ELAPOR2: variants seen among roughly 807,000 people sequenced by gnomAD.
The protein encoded by ELAPOR2 is endosome/lysosome-associated apoptosis and autophagy regulator family member 2.
ELAPOR2 carries 89 observed loss-of-function variants against 120.7 expected under a neutral mutation model. That is an observed-to-expected ratio of 0.74 (90% CI 0.62 to 0.88). ELAPOR2 has a LOEUF of 0.88. Ranked by LOEUF, ELAPOR2 falls within the 40% of genes least tolerant of loss-of-function variation. The pLI is 0.00. For synonymous variants in ELAPOR2, 444 were observed against 444.9 expected (o/e 1.00, Z 0.03); for missense variants, 1,134 against 1,251.6 (o/e 0.91, Z 1.42).
chr7:86,959,399 G>A (rs982584307), intron 2 of ELAPOR2, among the ~76,000 whole-genome samples: 4 of 152,168 alleles, frequency 2.6e-5, no homozygotes, highest in Non-Finnish European at 5.9e-5. Flanking sequence ...CTTGCCTTAT[G>A]CCAGATCTTA....
intron 1 of ELAPOR2, 131 bp downstream of exon 1, chr7:87,059,193 CA>C: frequency 1.7e-6 from 2 of 1,209,682 alleles, no homozygotes; most frequent in Non-Finnish European, 2.1e-6. Flanking sequence ...CCCCTCGAAG[CA>C]AACGAAAGCC....
intron 1 of ELAPOR2, among the ~76,000 whole-genome samples, chr7:87,021,702 G>A (rs1794046119): frequency 6.6e-6 from 1 of 152,118 alleles, no homozygotes; most frequent in East Asian, 1.9e-4. Flanking sequence ...ACTCTCACCT[G>A]TAAGTTATGA....
At chr7:87,004,985 C>T (rs1468226472) in intron 1 of ELAPOR2, among the ~76,000 whole-genome samples, 1 of 152,104 alleles carries the variant, frequency 6.6e-6, no homozygotes, top group Non-Finnish European at 1.5e-5. Context: ...AGGCAGCTTC[C>T]TAATCCTTTC....
rs1425949295 is a variant in ELAPOR2 at position 86,972,596 on chromosome 7, G to GT, written c.190-7573dup. 1.0e-4 allele frequency among the ~76,000 whole-genome samples: 15 copies of GT among 150,286 alleles called. No individual in the cohort carries two copies. In the East Asian group the frequency reaches 2.7e-3, roughly 28 times the overall value. On this transcript the variant is annotated intron_variant, in intron 1 of 21. Transcript: ENST00000450689. Reference sequence around the variant, plus strand: ...GGACATCAAGTAAGAAAAAAAAAAAGTTTTTTGTTTTTTTTTTTTTAAATG... The same window carrying GT: ...GGACATCAAGTAAGAAAAAAAAAAAGTTTTTTTGTTTTTTTTTTTTTAAATG...
intron 1 of ELAPOR2, among the ~76,000 whole-genome samples, chr7:87,003,558 A>T (rs1793383221): frequency 1.3e-5 from 2 of 152,154 alleles, no homozygotes; most frequent in African/African-American, 4.8e-5. Flanking sequence ...GCATTCTGCC[A>T]TGCTTGTAAG....
chr7:86,950,708 G>A (rs1216067375), intron 2 of ELAPOR2, among the ~76,000 whole-genome samples: 1 of 152,182 alleles, frequency 6.6e-6, no homozygotes, highest in Non-Finnish European at 1.5e-5. Context: ...CTAGCCCTTG[G>A]CCAGCGTGGG....
At chr7:86,947,228 A>G (rs1791046863) in intron 3 of ELAPOR2, among the ~76,000 whole-genome samples, 1 of 152,198 alleles carries the variant, frequency 6.6e-6, no homozygotes, top group African/African-American at 2.4e-5. Flanking sequence ...TTTTCAAAAC[A>G]GTTTAACATT....
At position 86,891,888 on chromosome 7, in the gene ELAPOR2, G is replaced by A. The variant is rs1788178551; in HGVS notation, c.2866C>T (p.Leu956=). 2 of 1,557,450 alleles carry A rather than the reference G, an allele frequency of 1.3e-6. No homozygotes were observed. The change falls in exon 21 of 22, where the codon CTG becomes TTG. Residue 956 remains leucine (L), a splice_region_variant and synonymous_variant. Coordinates refer to ENST00000450689, the MANE Select transcript of ELAPOR2 (RefSeq NM_001142749.3). ...ACTAACTTGGAATATTTGTATTCCA[G>A]TCTAAATAGTGATAAAATAAATAAA... ...TCYFWKKNQK[L]EYKYSKLVMT...
intron 1 of ELAPOR2, among the ~76,000 whole-genome samples, chr7:86,979,124 A>G (rs1408571203): frequency 2.0e-5 from 3 of 149,670 alleles, no homozygotes; most frequent in Non-Finnish European, 3.0e-5. Flanking sequence ...AACTTTCTTT[A>G]TAGCATCTGA....
chr7:86,914,609 A>AT, intron 13 of ELAPOR2, 114 bp downstream of exon 13: 1 of 818,088 alleles, frequency 1.2e-6, no homozygotes, highest in Non-Finnish European at 1.8e-6. Flanking sequence ...TTCATTCCAT[A>AT]TTTTTTAAAA....
chr7:87,045,115 C>T, intron 1 of ELAPOR2, among the ~76,000 whole-genome samples: 1 of 111,806 alleles, frequency 8.9e-6, no homozygotes, highest in Non-Finnish European at 1.7e-5. Flanking sequence ...ACAACAGGTG[C>T]TGGAGAGGAT....
intron 18 of ELAPOR2, among the ~76,000 whole-genome samples, chr7:86,898,323 T>C (rs1465591104): frequency 6.6e-6 from 1 of 151,910 alleles, no homozygotes; most frequent in Non-Finnish European, 1.5e-5. Context: ...AGTAAATCAG[T>C]AGTTGCTCAG....
At chr7:86,900,813 C>G (rs538665056) in intron 18 of ELAPOR2, among the ~76,000 whole-genome samples, 2 of 152,146 alleles carry the variant, frequency 1.3e-5, no homozygotes, top group Admixed American at 1.3e-4. Context: ...TTGAACAGCA[C>G]TTATTTTTAG....
intron 1 of ELAPOR2, among the ~76,000 whole-genome samples, chr7:86,973,130 TACACTCCAC>T (rs1562950479): frequency 6.6e-6 from 1 of 152,062 alleles, no homozygotes; most frequent in Non-Finnish European, 1.5e-5. Flanking sequence ...CCACACCTAC[TACACTCCAC>T]AGCCAGTTCT....
intron 8 of ELAPOR2, among the ~76,000 whole-genome samples, chr7:86,932,468 T>C (rs987893439): frequency 1.7e-4 from 26 of 151,822 alleles, no homozygotes; most frequent in African/African-American, 6.3e-4. Flanking sequence ...AACATGTGAA[T>C]CATGTCCCAC....
At chr7:86,979,767 G>T (rs1203245644) in intron 1 of ELAPOR2, among the ~76,000 whole-genome samples, 1 of 152,200 alleles carries the variant, frequency 6.6e-6, no homozygotes, top group Non-Finnish European at 1.5e-5. Context: ...GTTTAGAAAA[G>T]AAACATGTCA....
intron 1 of ELAPOR2, among the ~76,000 whole-genome samples, chr7:87,041,780 A>G (rs1794796463): frequency 6.6e-6 from 1 of 151,990 alleles, no homozygotes; most frequent in South Asian, 2.1e-4. Flanking sequence ...TTAAACGTAA[A>G]TGGACTAAAT....
chr7:86,997,038 T>C (rs1459835329), intron 1 of ELAPOR2, among the ~76,000 whole-genome samples: 3 of 152,226 alleles, frequency 2.0e-5, no homozygotes, highest in Non-Finnish European at 4.4e-5. Flanking sequence ...AAATCACTTA[T>C]ATACTTTACA....
intron 3 of ELAPOR2, among the ~76,000 whole-genome samples, chr7:86,945,583 T>C (rs377078079): frequency 2.0e-4 from 30 of 152,326 alleles, no homozygotes; most frequent in East Asian, 1.3e-3. Flanking sequence ...ATTTAAAACA[T>C]AATACCATTG....
Sources: gnomAD v4.1 joint callset for allele counts (sites outside exome capture counted in the v4.1 genomes callset) on GRCh38, gnomAD v4.1.1 for gene constraint, MANE v1.5 for transcripts, NCBI Gene and HGNC (gene_info 2026-07-23, HGNC 2026-07-21) for gene names.